Variants in SEMA5A observed in about 807,000 individuals in gnomAD.
SEMA5A encodes semaphorin-5A.
A neutral mutation model predicts 135.5 loss-of-function variants in SEMA5A; 55 were observed. The ratio of observed to expected loss-of-function variants is 0.41; its 90% confidence interval spans 0.33 to 0.51. The LOEUF (loss-of-function observed/expected upper bound fraction) is 0.51, where lower values mean the gene tolerates loss of function less well. Among genes scored for constraint, SEMA5A ranks in the 20% least tolerant of loss-of-function variants. SEMA5A has a pLI of 0.37. For synonymous variants in SEMA5A, 580 were observed against 546.5 expected, an observed-to-expected ratio of 1.06 and a Z score of -0.85; for missense variants, 1,290 against 1,419.9, an observed-to-expected ratio of 0.91 and a Z score of 1.47.
chr5:9,343,009 A>G (rs190693587), intron 3 of SEMA5A, among the ~76,000 whole-genome samples: 1 of 152,272 alleles, frequency 6.6e-6, no homozygotes, highest in African/African-American at 2.4e-5. Context: ...TTTGAAAGTT[A>G]CTCTATTCCC....
At chr5:9,369,922 C>T (rs943661826) in intron 3 of SEMA5A, among the ~76,000 whole-genome samples, 41 of 152,226 alleles carry the variant, frequency 2.7e-4, no homozygotes, top group Middle Eastern at 3.4e-3. Context: ...TTTCCTCAAC[C>T]CTTATCACTA....
intron 18 of SEMA5A, among the ~76,000 whole-genome samples, chr5:9,056,367 G>A (rs1175964746): frequency 6.6e-6 from 1 of 152,150 alleles, no homozygotes; most frequent in Non-Finnish European, 1.5e-5. Flanking sequence ...CTTATACACT[G>A]TTGGTGGGAA....
At chr5:9,122,502 T>G (rs537767247) in intron 14 of SEMA5A, among the ~76,000 whole-genome samples, 154 bp downstream of exon 14, 7 of 152,334 alleles carry the variant, frequency 4.6e-5, no homozygotes, top group Admixed American at 2.6e-4. Context: ...AAAATCTCCT[T>G]GCAAAAATCA....
chr5:9,394,524 C>A (rs1213292238), intron 2 of SEMA5A, among the ~76,000 whole-genome samples: 2 of 152,106 alleles, frequency 1.3e-5, no homozygotes, highest in East Asian at 3.9e-4. Context: ...ACCAAAGTTT[C>A]TTGCACGTAG....
At chr5:9,431,710 C>CA (rs994189458) in intron 2 of SEMA5A, among the ~76,000 whole-genome samples, 7 of 151,638 alleles carry the variant, frequency 4.6e-5, no homozygotes, top group East Asian at 1.9e-4. Context: ...AAAGTTCTGC[C>CA]AAAAAAAGAG....
At chr5:9,223,687 C>T (rs1459395941) in intron 8 of SEMA5A, among the ~76,000 whole-genome samples, 1 of 152,196 alleles carries the variant, frequency 6.6e-6, no homozygotes. Flanking sequence ...TTTGTACAAA[C>T]TATCAAATAA....
At chr5:9,161,100 C>G (rs1283818759) in intron 11 of SEMA5A, among the ~76,000 whole-genome samples, 2 of 150,524 alleles carry the variant, frequency 1.3e-5, no homozygotes, top group East Asian at 3.9e-4. Flanking sequence ...GGAAGAATAA[C>G]TGGAAAGAGA....
chr5:9,186,135 A>G (rs1744796024), intron 11 of SEMA5A, among the ~76,000 whole-genome samples: 1 of 152,204 alleles, frequency 6.6e-6, no homozygotes. Flanking sequence ...AAAATCTTCA[A>G]AAACCAACTT....
At chr5:9,131,052 T>C (rs947076195) in intron 13 of SEMA5A, among the ~76,000 whole-genome samples, 5 of 152,172 alleles carry the variant, frequency 3.3e-5, no homozygotes, top group African/African-American at 1.2e-4. Context: ...GGAGACCCCC[T>C]AGGTGTTTAT....
intron 4 of SEMA5A, among the ~76,000 whole-genome samples, chr5:9,326,424 G>T (rs935389405): frequency 1.3e-5 from 2 of 152,012 alleles, no homozygotes; most frequent in Non-Finnish European, 2.9e-5. Flanking sequence ...CTAATTTTTT[G>T]TGTGTTTTTA....
chr5:9,074,474 T>TA lies in SEMA5A; in HGVS notation c.2074-7829dup, dbSNP rs199841505. 5.0e-3 allele frequency among the ~76,000 whole-genome samples: 757 copies of TA among 151,814 alleles called. 8 individuals carry two copies. Among genetic ancestry groups the TA allele is most frequent in the African/African-American group, 0.017 (715 of 41,416 alleles). On this transcript the variant is annotated intron_variant, in intron 16 of 22. Coordinates refer to ENST00000382496, the MANE Select transcript of SEMA5A (RefSeq NM_003966.3). The stretch of plus-strand genomic sequence containing the variant: ...AATACCAAAAGCACCATCCATAAAA[T>TA]AAAAAAAACAATTAAAATGAATTAA...
At chr5:9,258,241 T>C (rs535609174) in intron 5 of SEMA5A, among the ~76,000 whole-genome samples, 2 of 152,346 alleles carry the variant, frequency 1.3e-5, no homozygotes, top group South Asian at 2.1e-4. Flanking sequence ...CCTAACTCTA[T>C]ATTTTCATGT....
chr5:9,305,117 T>A (rs1751797473), intron 5 of SEMA5A, among the ~76,000 whole-genome samples: 1 of 152,122 alleles, frequency 6.6e-6, no homozygotes, highest in Admixed American at 6.6e-5. Context: ...GGAATATTTT[T>A]CTCCCTCTCG....
intron 10 of SEMA5A, among the ~76,000 whole-genome samples, chr5:9,191,733 T>A (rs1202742900): frequency 6.6e-6 from 1 of 152,254 alleles, no homozygotes; most frequent in African/African-American, 2.4e-5. Context: ...ATTTCATGCA[T>A]CCAGTCCAAG....
intron 4 of SEMA5A, among the ~76,000 whole-genome samples, chr5:9,329,065 T>C (rs1753000381): frequency 6.6e-6 from 1 of 152,214 alleles, no homozygotes; most frequent in Non-Finnish European, 1.5e-5. Context: ...CATGTGACTC[T>C]CTGTCTTCCC....
intron 16 of SEMA5A, among the ~76,000 whole-genome samples, chr5:9,068,304 T>C (rs981789313): frequency 6.6e-6 from 1 of 152,356 alleles, no homozygotes. Context: ...TTGAGATCTT[T>C]AAACAGAATT....
chr5:9,137,808 A>G (rs1211728299), intron 12 of SEMA5A, among the ~76,000 whole-genome samples: 8 of 152,222 alleles, frequency 5.3e-5, no homozygotes, highest in African/African-American at 1.9e-4. Flanking sequence ...CAAAATAATC[A>G]TTGTTAAAAC....
At chr5:9,228,468 G>C (rs1425782557) in intron 6 of SEMA5A, among the ~76,000 whole-genome samples, 1 of 152,222 alleles carries the variant, frequency 6.6e-6, no homozygotes, top group Non-Finnish European at 1.5e-5. Flanking sequence ...GCCTGAAACA[G>C]GCCAAGTGTG....
In SEMA5A at chr5:9,151,333, A is replaced by T. The variant is rs138073838; in HGVS notation, c.1481+3155T>A. ...AGATAAGCAGTTTCCCTTTTTAAAT[A>T]CTTCAAGATTCATTTATAAGACTGG... On this transcript the variant is annotated intron_variant, in intron 12 of 22. Coordinates refer to ENST00000382496, the MANE Select transcript of SEMA5A (RefSeq NM_003966.3). Among the ~76,000 whole-genome samples, 398 of 152,322 alleles carry T rather than the reference A, an allele frequency of 2.6e-3. 1 individual carries two copies. Among genetic ancestry groups the T allele is most frequent in the African/African-American group, 8.9e-3 (369 of 41,574 alleles).
Sources: allele counts gnomAD v4.1 joint callset (sites outside exome capture counted in the v4.1 genomes callset), GRCh38; gene constraint gnomAD v4.1.1; transcripts MANE v1.5; gene names NCBI Gene and HGNC (gene_info 2026-07-23, HGNC 2026-07-21).